Variants in ANKFN1 observed in about 807,000 individuals in gnomAD.
ANKFN1 encodes ankyrin repeat and fibronectin type-III domain-containing protein 1.
A neutral mutation model predicts 108.7 loss-of-function variants in ANKFN1; 74 were observed. The observed-to-expected ratio is 0.68, with a 90% CI of 0.56 to 0.83. The LOEUF (loss-of-function observed/expected upper bound fraction) is 0.83. Among genes scored for constraint, ANKFN1 ranks in the 40% least tolerant of loss-of-function variants. ANKFN1 has a pLI of 0.00. For missense variants in ANKFN1, 1,505 were observed against 1,382.3 expected, an observed-to-expected ratio of 1.09 and a Z score of -1.41; for synonymous variants, 547 against 516.2, an observed-to-expected ratio of 1.06 and a Z score of -0.81.
intron 15 of ANKFN1, chr17:56,472,771 T>C (rs2050364690): frequency 1.3e-5 from 2 of 152,258 alleles, no homozygotes; most frequent in African/African-American, 4.8e-5. Context: ...ACAAAGCAGC[T>C]ATTAATTCTG....
intron 4 of ANKFN1, among the ~76,000 whole-genome samples, chr17:56,328,105 A>T (rs1307402714): frequency 6.6e-6 from 1 of 152,226 alleles, no homozygotes; most frequent in African/African-American, 2.4e-5. Flanking sequence ...AATATTGATT[A>T]GTGATAACTG....
intron 4 of ANKFN1, among the ~76,000 whole-genome samples, chr17:56,123,157 A>G (rs1475720154): frequency 2.0e-5 from 3 of 152,242 alleles, no homozygotes; most frequent in African/African-American, 7.2e-5. Flanking sequence ...AGGTCACACA[A>G]TAAGTGGCTA....
At chr17:56,110,829 A>G (rs1464987371) in intron 4 of ANKFN1, 1 of 152,182 alleles carries the variant, frequency 6.6e-6, no homozygotes, top group East Asian at 1.9e-4. Flanking sequence ...CCTTGAGGAC[A>G]CTCCTAGCAG....
chr17:56,130,299 T>C (rs1907201411), intron 4 of ANKFN1, among the ~76,000 whole-genome samples: 1 of 152,220 alleles, frequency 6.6e-6, no homozygotes, highest in African/African-American at 2.4e-5. Flanking sequence ...GTGGCTGCGA[T>C]ATTAAGTGAC....
At chr17:56,205,170 A>C (rs1914424011) in intron 1 of ANKFN1, among the ~76,000 whole-genome samples, 1 of 152,228 alleles carries the variant, frequency 6.6e-6, no homozygotes. Context: ...CTGCAGAAGG[A>C]GGCTTGCAAA....
At chr17:56,171,095 T>C (rs559917992) in intron 1 of ANKFN1, among the ~76,000 whole-genome samples, 31 of 151,884 alleles carry the variant, frequency 2.0e-4, no homozygotes, top group Non-Finnish European at 4.1e-4. Context: ...TGAGAGTCTC[T>C]GAAGGAAGCA....
chr17:56,510,398 G>T, intron 20 of ANKFN1, 75 bp from the exon 21 acceptor site: 1 of 1,258,352 alleles, frequency 7.9e-7, no homozygotes, highest in Non-Finnish European at 1.1e-6. Context: ...GGGGTCAAAT[G>T]CACTGTTCCT....
intron 4 of ANKFN1, among the ~76,000 whole-genome samples, chr17:56,052,235 AT>A (rs978813832): frequency 2.0e-5 from 3 of 151,856 alleles, no homozygotes; most frequent in South Asian, 4.2e-4. Context: ...TAGATAAATG[AT>A]TTTTTTTAGA....
intron 15 of ANKFN1, among the ~76,000 whole-genome samples, chr17:56,476,916 A>G (rs745583288): frequency 1.6e-4 from 25 of 152,366 alleles, no homozygotes; most frequent in Non-Finnish European, 1.3e-4. Context: ...GTGCGTAATT[A>G]TAGCTACAAC....
chr17:56,475,032 C>T (rs1355580451), intron 15 of ANKFN1, among the ~76,000 whole-genome samples: 2 of 152,164 alleles, frequency 1.3e-5, no homozygotes, highest in African/African-American at 4.8e-5. Context: ...TATCCCTCTT[C>T]TACTATTCCC....
At chr17:56,285,371 C>G (rs565918386) in intron 3 of ANKFN1, among the ~76,000 whole-genome samples, 1 of 152,254 alleles carries the variant, frequency 6.6e-6, no homozygotes, top group Admixed American at 6.5e-5. Flanking sequence ...AGGTATCTTC[C>G]CTCTAGAACT....
intron 4 of ANKFN1, among the ~76,000 whole-genome samples, chr17:56,085,408 G>T (rs1001518045): frequency 6.6e-6 from 1 of 150,836 alleles, no homozygotes; most frequent in East Asian, 1.9e-4. Context: ...ACTTAGTGAT[G>T]TGGCCACAAG....
Position 56,280,459 on chromosome 17 carries a change from G to T in ANKFN1, c.54-45762G>T, listed in dbSNP as rs1023416112. ...CCAGGATTTACACCAGAATGACCCT[G>T]CTCTTTCCTCCAGTTCTCAGGTCTT... On this transcript the variant is annotated intron_variant, in intron 3 of 20. Transcript: ENST00000682825. 2.0e-5 allele frequency among the ~76,000 whole-genome samples: 3 copies of T among 152,232 alleles called. No individual in the cohort carries two copies. In the East Asian group the frequency reaches 5.8e-4, roughly 29 times the overall value.
chr17:56,320,234 CA>C (rs2045323736), intron 3 of ANKFN1, among the ~76,000 whole-genome samples: 2 of 152,230 alleles, frequency 1.3e-5, no homozygotes, highest in African/African-American at 4.8e-5. Context: ...TATGACAAAC[CA>C]CATCATGTAT....
intron 11 of ANKFN1, among the ~76,000 whole-genome samples, chr17:56,453,265 T>C (rs778158427): frequency 6.7e-4 from 102 of 152,228 alleles, no homozygotes; most frequent in Non-Finnish European, 1.3e-3. Context: ...TCTTAATATA[T>C]GTATATTGAA....
intron 15 of ANKFN1, among the ~76,000 whole-genome samples, chr17:56,467,240 G>GTA (rs34882956): frequency 0.54 from 81,951 of 151,814 alleles, 25,915 homozygotes; most frequent in East Asian, 0.87. Context: ...TTTCTAAATT[G>GTA]TATATATATG....
chr17:56,398,000 G>A (rs961188748), intron 8 of ANKFN1, among the ~76,000 whole-genome samples: 1 of 152,102 alleles, frequency 6.6e-6, no homozygotes, highest in Admixed American at 6.5e-5. Context: ...GGCAGTAGGG[G>A]GTTTCCCAGA....
intron 3 of ANKFN1, among the ~76,000 whole-genome samples, chr17:56,270,247 G>A (rs2043758302): frequency 6.6e-6 from 1 of 152,112 alleles, no homozygotes; most frequent in Admixed American, 6.5e-5. Flanking sequence ...ATAGTCACGG[G>A]GCTTCACAAA....
chr17:56,092,093 T>C (rs1281563561), intron 4 of ANKFN1, among the ~76,000 whole-genome samples: 2 of 151,114 alleles, frequency 1.3e-5, no homozygotes, highest in East Asian at 1.9e-4. Flanking sequence ...AGAAAAACAA[T>C]GTAGCCTTTC....
Sources: gnomAD v4.1 joint callset for allele counts (sites outside exome capture counted in the v4.1 genomes callset) on GRCh38, gnomAD v4.1.1 for gene constraint, MANE v1.5 for transcripts, NCBI Gene and HGNC (gene_info 2026-07-23, HGNC 2026-07-21) for gene names.